PGAM5: variants seen among roughly 807,000 people sequenced by gnomAD.
PGAM5 encodes serine/threonine-protein phosphatase PGAM5, mitochondrial.
PGAM5 carries 25 observed loss-of-function variants against 30.6 expected under a neutral mutation model. The ratio of observed to expected loss-of-function variants is 0.82; its 90% CI spans 0.60 to 1.14. The LOEUF is 1.14. Ranked by LOEUF, PGAM5 falls within the 50% of genes most tolerant of loss-of-function variation. PGAM5 has a pLI of 0.00. For missense variants in PGAM5, 384 were observed against 408.5 expected (o/e 0.94, Z 0.52); for synonymous variants, 201 against 179.1 (o/e 1.12, Z -0.98).
Position 132,717,429 on chromosome 12 carries a change from C to A in PGAM5, c.371-10C>A. ...GCAGGTGCGGCACTCAGGTGCCTTT[C>A]ACCTTCCAGGTCGGGAGCAGGCTGA... On this transcript the variant is annotated splice_polypyrimidine_tract_variant and intron_variant, in intron 2 of 5. Transcript: ENST00000498926. 1 of 1,598,570 alleles carries A rather than the reference C, an allele frequency of 6.3e-7. No homozygotes were observed. Among genetic ancestry groups the A allele is most frequent in the Middle Eastern group, 1.7e-4 (1 of 6,026 alleles).
intron 1 of PGAM5, 117 bp downstream of exon 1, chr12:132,711,184 C>T (rs972714804): frequency 1.2e-6 from 1 of 810,768 alleles, no homozygotes; most frequent in Non-Finnish European, 1.6e-6. Flanking sequence ...CTGGGGTCGC[C>T]GTCTGCTTTC....
At position 132,711,753 on chromosome 12, in the gene PGAM5, T is replaced by C. The variant is rs1483181305; in HGVS notation, c.191+686T>C. On this transcript the variant is annotated intron_variant, in intron 1 of 5. Transcript: ENST00000498926. ...CAGTGTGAGCCGAGATCCCGCCACT[T>C]CACTCCAGCCTGAGCAACAGAGCCT... 2.0e-5 allele frequency: 3 copies of C among 151,608 alleles called. No individual in the cohort carries two copies. In the East Asian group the frequency reaches 5.8e-4, roughly 29 times the overall value. The allele number at this position is 151,608 out of a possible 1,614,324, so 9.4% of individuals were successfully genotyped here. A position where few individuals can be genotyped will look rare whatever the true frequency, so the allele number is the denominator to read the frequency against.
chr12:132,719,183 G>T, intron 5 of PGAM5: 1 of 1,199,990 alleles, frequency 8.3e-7, no homozygotes, highest in Non-Finnish European at 1.0e-6. Flanking sequence ...CTCTTCTCTG[G>T]ATCCATTAGG....
At chr12:132,715,958 C>T (rs2043573411) in intron 2 of PGAM5, among the ~76,000 whole-genome samples, 1 of 152,212 alleles carries the variant, frequency 6.6e-6, no homozygotes, top group Non-Finnish European at 1.5e-5. Flanking sequence ...CATATCCCAG[C>T]AGTGATTTTA....
rs920734492 is a variant in PGAM5 at position 132,722,503 on chromosome 12, C to A, written c.*1675C>A. 6.6e-6 allele frequency: 1 copy of A among 152,004 alleles called. No homozygotes were observed. Among genetic ancestry groups the A allele is most frequent in the Non-Finnish European group, 1.5e-5 (1 of 68,026 alleles). 9.4% of individuals were successfully genotyped at this position (152,004 alleles called of 1,614,324 possible). ...GACCTCGTGATCTACCCACCTCGGC[C>A]TCCCCAAGTGCTGGGATTACAGGCG... On this transcript the variant is annotated 3_prime_UTR_variant, in exon 6 of 6. Transcript: ENST00000498926.
intron 2 of PGAM5, among the ~76,000 whole-genome samples, chr12:132,716,821 GC>G (rs906126111): frequency 1.3e-5 from 2 of 152,186 alleles, no homozygotes; most frequent in Non-Finnish European, 2.9e-5. Context: ...CACAGACGCC[GC>G]CCCCCAGTCC....
chr12:132,716,691 G>A (rs184915238), intron 2 of PGAM5, among the ~76,000 whole-genome samples: 1 of 152,326 alleles, frequency 6.6e-6, no homozygotes, highest in Non-Finnish European at 1.5e-5. Context: ...CCTGCCTAGA[G>A]AAGGAAATGC....
At chr12:132,713,818 C>T (rs527788117) in intron 1 of PGAM5, among the ~76,000 whole-genome samples, 3 of 152,202 alleles carry the variant, frequency 2.0e-5, no homozygotes, top group Admixed American at 6.5e-5. Flanking sequence ...CAGCTGTGGA[C>T]CACCTTGCCC....
At chr12:132,712,672 T>C (rs998113359) in intron 1 of PGAM5, among the ~76,000 whole-genome samples, 11 of 151,492 alleles carry the variant, frequency 7.3e-5, no homozygotes, top group Non-Finnish European at 1.5e-4. Flanking sequence ...GTCAGGCTGG[T>C]CTTGAACTCC....
In PGAM5 at chr12:132,717,303, C is replaced by T. The variant is rs1404636415; in HGVS notation, c.371-136C>T. On this transcript the variant is annotated intron_variant, in intron 2 of 5. Transcript: ENST00000498926. ...CCTGATCAGGGGTCGTGTTTGCGGG[C>T]GGAGGAGGGGGTGTTTGCGGGCGGA... 1.7e-4 allele frequency: 138 copies of T among 833,204 alleles called. 1 individual carries two copies. In the African/African-American group the frequency reaches 3.6e-3, roughly 22 times the overall value. The allele number at this position is 833,204 out of a possible 1,614,324, so 51.6% of individuals were successfully genotyped here. A position where few individuals can be genotyped will look rare whatever the true frequency, so the allele number is the denominator to read the frequency against.
chr12:132,713,278 T>C (rs1244247543), intron 1 of PGAM5, among the ~76,000 whole-genome samples: 3 of 152,168 alleles, frequency 2.0e-5, no homozygotes, highest in Non-Finnish European at 4.4e-5. Context: ...GCCTTGTGGG[T>C]TGGGAAAGAC....
intron 5 of PGAM5, among the ~76,000 whole-genome samples, chr12:132,720,467 CCAG>C (rs2043632454): frequency 6.6e-6 from 1 of 152,096 alleles, no homozygotes; most frequent in Non-Finnish European, 1.5e-5. Flanking sequence ...GCTATCACGC[CCAG>C]CTAATTTTTT....
At chr12:132,718,921 G>C in intron 5 of PGAM5, 1 of 1,574,922 alleles carries the variant, frequency 6.3e-7, no homozygotes, top group Non-Finnish European at 8.6e-7. Flanking sequence ...TTGCTGCTCG[G>C]GCTGCTCCCT....
Position 132,718,394 on chromosome 12 carries a change from CCTGAGTGGGGTGCGTG to C in PGAM5, c.719+278_719+293del, listed in dbSNP as rs1566000350. On this transcript the variant is annotated intron_variant, in intron 5 of 5. Coordinates refer to ENST00000498926, the MANE Select transcript of PGAM5 (RefSeq NM_001170543.2). The stretch of plus-strand genomic sequence containing the variant: ...GTGGGGTGCGTGCTGGGTGGGGGGT[CCTGAGTGGGGTGCGTG>C]CTGGGTGGGGGTGTCCTGGGTGGGG... Among the ~76,000 whole-genome samples the C allele has an allele frequency of 1.8e-4, 14 of 78,980 alleles. 1 individual carries two copies. The highest frequency in any genetic ancestry group is 6.7e-4 in the African/African-American group (11 of 16,452). 51.8% of individuals were successfully genotyped at this position (78,980 alleles called of 152,430 possible).
intron 1 of PGAM5, among the ~76,000 whole-genome samples, chr12:132,714,078 C>A (rs776447538): frequency 4.7e-4 from 71 of 152,290 alleles, no homozygotes; most frequent in Non-Finnish European, 7.2e-4. Flanking sequence ...AGTGCAGTGG[C>A]ACGATCTCGG....
Position 132,720,880 on chromosome 12 carries a change from T to TA in PGAM5, c.*54dup. The TA allele has an allele frequency of 6.7e-7, 1 of 1,498,592 alleles. No individual in the cohort carries two copies. Among genetic ancestry groups the TA allele is most frequent in the Non-Finnish European group, 8.9e-7 (1 of 1,123,660 alleles). 92.8% of individuals were successfully genotyped at this position (1,498,592 alleles called of 1,614,324 possible). ...CCTCCCTGCACAGGCCGCACACACT[T>TA]AACGTTTTGTTCCCAAGGAGACCGG... On this transcript the variant is annotated 3_prime_UTR_variant, in exon 6 of 6. Coordinates refer to ENST00000498926, the MANE Select transcript of PGAM5 (RefSeq NM_001170543.2).
chr12:132,718,396 TG>T (rs1387910993), intron 5 of PGAM5, among the ~76,000 whole-genome samples: 1 of 69,966 alleles, frequency 1.4e-5, no homozygotes, highest in Non-Finnish European at 2.6e-5. Context: ...TGGGGGGTCC[TG>T]AGTGGGGTGC....
chr12:132,717,750 C>A lies in PGAM5; in HGVS notation c.537C>A (p.Ala179=). The A allele has an allele frequency of 6.3e-7, 1 of 1,585,572 alleles. No homozygotes were observed. ...GCACAGATCTGCTGCGGGAAGGCGCCCCCATCGAGCCAGACCCGCCCGTGT... is the reference window on the plus strand; with the variant it reads ...GCACAGATCTGCTGCGGGAAGGCGCACCCATCGAGCCAGACCCGCCCGTGT... ...KVSTDLLREG[A]PIEPDPPVSH... Residue 179 remains alanine, a synonymous_variant, in exon 4 of 6, where the codon GCC becomes GCA. Coordinates refer to ENST00000498926, the MANE Select transcript of PGAM5 (RefSeq NM_001170543.2).
chr12:132,711,486 T>C (rs2043522301), intron 1 of PGAM5: 1 of 153,264 alleles, frequency 6.5e-6, no homozygotes, highest in Non-Finnish European at 1.5e-5. Context: ...TTTACGTCAA[T>C]TTAAACTTAA....
Sources: gnomAD v4.1 joint callset for allele counts (sites outside exome capture counted in the v4.1 genomes callset) on GRCh38, gnomAD v4.1.1 for gene constraint, MANE v1.5 for transcripts, NCBI Gene and HGNC (gene_info 2026-07-23, HGNC 2026-07-21) for gene names.